Variants in TPH1 observed in about 807,000 individuals in gnomAD.
TPH1 encodes the protein tryptophan hydroxylase 1, also known as tryptophan 5-hydroxylase 1.
Under a neutral mutation model 49.5 loss-of-function variants are expected in TPH1, and 37 were observed. The ratio of observed to expected loss-of-function variants is 0.75; its 90% CI spans 0.58 to 0.98. The LOEUF (loss-of-function observed/expected upper bound fraction) is 0.98. Among genes scored for constraint, TPH1 ranks in the 50% least tolerant of loss-of-function variants. The probability of loss-of-function intolerance (pLI) is 0.00; values close to 1 mark genes in which losing one functional copy is unlikely to be tolerated. For synonymous variants in TPH1, 160 were observed against 182.1 expected (o/e 0.88, Z 0.98); for missense variants, 487 against 523.6 (o/e 0.93, Z 0.68).
At chr11:18,034,427 T>C (rs1049515218) in intron 3 of TPH1, among the ~76,000 whole-genome samples, 1 of 152,150 alleles carries the variant, frequency 6.6e-6, no homozygotes, top group Non-Finnish European at 1.5e-5. Flanking sequence ...TCACTCAAAA[T>C]AGACATCAGC....
intron 6 of TPH1, 100 bp downstream of exon 6, chr11:18,029,061 CAGAA>C: frequency 2.6e-6 from 2 of 757,498 alleles, no homozygotes; most frequent in East Asian, 2.9e-5. Context: ...GCCTGGGCAA[CAGAA>C]AGAGAGACTC....
At chr11:18,027,821 G>A (rs1328688844) in intron 6 of TPH1, among the ~76,000 whole-genome samples, 2 of 152,150 alleles carry the variant, frequency 1.3e-5, no homozygotes, top group Non-Finnish European at 2.9e-5. Context: ...TTTCTCAAAA[G>A]TTTAGTTTTT....
intron 2 of TPH1, among the ~76,000 whole-genome samples, chr11:18,040,374 T>C (rs938387364): frequency 6.8e-6 from 1 of 147,780 alleles, no homozygotes; most frequent in African/African-American, 2.5e-5. Flanking sequence ...AATATAGATA[T>C]ATATATAGAG....
At chr11:18,026,649 A>G in intron 6 of TPH1, 24 bp from the exon 7 acceptor site, 3 of 1,613,920 alleles carry the variant, frequency 1.9e-6, no homozygotes, top group Non-Finnish European at 2.5e-6. Flanking sequence ...GAGAAAACAA[A>G]GAAAATCTTT....
chr11:18,023,080 C>T, intron 9 of TPH1, 149 bp from the exon 10 acceptor site: 2 of 834,548 alleles, frequency 2.4e-6, no homozygotes, highest in Non-Finnish European at 3.8e-6. Flanking sequence ...TCTATTCAAC[C>T]CACAGTACAC....
chr11:18,022,015 T>G (rs970091902), intron 10 of TPH1, among the ~76,000 whole-genome samples: 1 of 152,176 alleles, frequency 6.6e-6, no homozygotes, highest in African/African-American at 2.4e-5. Context: ...ATGGCCTAAC[T>G]CCCCAACTAA....
chr11:18,040,578 T>C, intron 2 of TPH1, 68 bp downstream of exon 2: 1 of 1,467,646 alleles, frequency 6.8e-7, no homozygotes, highest in Non-Finnish European at 9.4e-7. Flanking sequence ...TGTTGCCCTA[T>C]ATTTTAAATA....
At chr11:18,030,158 C>T (rs1466372759) in intron 4 of TPH1, among the ~76,000 whole-genome samples, 1 of 152,062 alleles carries the variant, frequency 6.6e-6, no homozygotes, top group Non-Finnish European at 1.5e-5. Context: ...CCTGTAATCT[C>T]AACACTTTGG....
intron 2 of TPH1, among the ~76,000 whole-genome samples, chr11:18,037,374 A>AT (rs11413954): frequency 6.8e-6 from 1 of 147,784 alleles, no homozygotes; most frequent in East Asian, 2.0e-4. Context: ...AAAAAAAAAA[A>AT]TATTATCAGG....
At chr11:18,029,679 G>A in intron 4 of TPH1, 100 bp from the exon 5 acceptor site, 1 of 940,400 alleles carries the variant, frequency 1.1e-6, no homozygotes, top group Non-Finnish European at 1.7e-6. Flanking sequence ...TTATATTAAA[G>A]GGCTACATAA....
intron 1 of TPH1, among the ~76,000 whole-genome samples, chr11:18,044,647 T>C (rs906888636): frequency 2.6e-5 from 4 of 152,076 alleles, no homozygotes; most frequent in African/African-American, 9.7e-5. Context: ...ATCAGTTATT[T>C]TTTCCTCCAG....
intron 8 of TPH1, among the ~76,000 whole-genome samples, chr11:18,024,929 T>C (rs1339131367): frequency 1.3e-5 from 2 of 152,192 alleles, no homozygotes; most frequent in East Asian, 3.9e-4. Flanking sequence ...GCTGAGCACA[T>C]CACTCATTTT....
rs375623455 is a variant in TPH1, at chr11:18,025,659, A to G, written c.846T>C (p.Ala282=). The G allele has an allele frequency of 3.1e-6, 5 of 1,613,964 alleles. No homozygotes were observed. The highest frequency in any genetic ancestry group is 4.2e-6 in the Non-Finnish European group (5 of 1,179,928). ...HELLGHVPLL[A]EPSFAQFSQE... ...GGGAGAATTGGGCAAAACTAGGTTC[A>G]GCCAAAAGCGGGACATGACCTAAGA... The change falls in exon 8 of 11, where the codon GCT becomes GCC. Residue 282 remains alanine (A), a synonymous_variant. Transcript: ENST00000682019.
intron 2 of TPH1, among the ~76,000 whole-genome samples, chr11:18,036,897 G>A (rs1400278131): frequency 1.3e-5 from 2 of 152,172 alleles, no homozygotes; most frequent in African/African-American, 2.4e-5. Context: ...AGAATATAAA[G>A]GGAAGACATA....
chr11:18,042,787 C>G (rs575859010), intron 1 of TPH1, among the ~76,000 whole-genome samples: 1 of 152,284 alleles, frequency 6.6e-6, no homozygotes, highest in East Asian at 1.9e-4. Flanking sequence ...CTAAATACCT[C>G]TGGCTAAGAA....
chr11:18,046,027 A>G (rs182566427), intron 1 of TPH1, among the ~76,000 whole-genome samples: 1 of 152,306 alleles, frequency 6.6e-6, no homozygotes, highest in East Asian at 1.9e-4. Context: ...GGCACACAGG[A>G]GGCACTCAGA....
At chr11:18,040,172 T>C (rs763822837) in intron 2 of TPH1, among the ~76,000 whole-genome samples, 153 of 148,994 alleles carry the variant, frequency 1.0e-3, no homozygotes, top group Middle Eastern at 3.6e-3. Flanking sequence ...GTGAATCTTT[T>C]CTCCCCCATT....
chr11:18,033,467 T>C (rs1339060179), intron 3 of TPH1, 93 bp from the exon 4 acceptor site: 36 of 1,021,978 alleles, frequency 3.5e-5, no homozygotes, highest in Admixed American at 5.9e-5. Flanking sequence ...TTAAATTCAG[T>C]TGGATGAGAG....
At chr11:18,025,968 C>A (rs950476477) in intron 7 of TPH1, among the ~76,000 whole-genome samples, 6 of 152,012 alleles carry the variant, frequency 3.9e-5, no homozygotes, top group Admixed American at 3.3e-4. Context: ...CCAACCCCAC[C>A]ACATACACAC....
Sources: gnomAD v4.1 joint callset for allele counts (sites outside exome capture counted in the v4.1 genomes callset) on GRCh38, gnomAD v4.1.1 for gene constraint, MANE v1.5 for transcripts, NCBI Gene and HGNC (gene_info 2026-07-23, HGNC 2026-07-21) for gene names.